The following CNTNAP2 variants were observed in gnomAD, a reference collection of about 807,000 sequenced individuals.
CNTNAP2 encodes contactin-associated protein-like 2.
In CNTNAP2, 98 loss-of-function variants were observed where a neutral mutation model predicts 155.2. That is an observed-to-expected ratio of 0.63 (90% confidence interval 0.54 to 0.75). The LOEUF (loss-of-function observed/expected upper bound fraction) is 0.75, where lower values mean the gene tolerates loss of function less well. Ranked by LOEUF, CNTNAP2 falls within the 30% of genes least tolerant of loss-of-function variation. The pLI is 0.00. For synonymous variants in CNTNAP2, 651 were observed against 631.2 expected, an observed-to-expected ratio of 1.03 and a Z score of -0.47; for missense variants, 1,727 against 1,688.1, an observed-to-expected ratio of 1.02 and a Z score of -0.40.
intron 21 of CNTNAP2, among the ~76,000 whole-genome samples, chr7:148,334,641 C>T (rs55797956): frequency 6.6e-6 from 1 of 152,042 alleles, no homozygotes; most frequent in Admixed American, 6.5e-5. Flanking sequence ...TTAGTTGTGA[C>T]CGCAGAAAGC....
chr7:148,056,438 A>G (rs1189345021), intron 15 of CNTNAP2: 1 of 152,232 alleles, frequency 6.6e-6, no homozygotes, highest in Non-Finnish European at 1.5e-5. Context: ...CTTTGCTGGT[A>G]TCAAGATTAC....
chr7:148,350,879 G>A (rs1031421512), intron 21 of CNTNAP2, among the ~76,000 whole-genome samples: 4 of 152,142 alleles, frequency 2.6e-5, no homozygotes, highest in African/African-American at 9.7e-5. Flanking sequence ...CAGCCCTTTT[G>A]TCCCAGATCC....
intron 12 of CNTNAP2, among the ~76,000 whole-genome samples, chr7:147,588,194 CAGAG>C (rs1022635094): frequency 4.3e-4 from 63 of 146,162 alleles, no homozygotes; most frequent in African/African-American, 1.7e-3. Flanking sequence ...GATGGACATA[CAGAG>C]AGAGAGAAAA....
At chr7:146,717,465 G>T (rs900159513) in intron 1 of CNTNAP2, among the ~76,000 whole-genome samples, 1 of 151,860 alleles carries the variant, frequency 6.6e-6, no homozygotes, top group African/African-American at 2.4e-5. Flanking sequence ...AGTGAGCCAA[G>T]ATCACGCCAC....
At chr7:148,277,443 C>T (rs115106692) in intron 21 of CNTNAP2, among the ~76,000 whole-genome samples, 10 of 152,222 alleles carry the variant, frequency 6.6e-5, no homozygotes, top group East Asian at 1.9e-4. Flanking sequence ...GGCAGGTTGT[C>T]GTCAGCTATC....
chr7:147,045,679 G>T (rs934013643), intron 4 of CNTNAP2, among the ~76,000 whole-genome samples: 11 of 152,140 alleles, frequency 7.2e-5, no homozygotes, highest in Non-Finnish European at 1.5e-4. Context: ...CATGAACAGA[G>T]TGTCATGTTC....
intron 18 of CNTNAP2, among the ~76,000 whole-genome samples, chr7:148,196,957 A>T (rs114011859): frequency 4.3e-4 from 65 of 152,324 alleles, no homozygotes; most frequent in African/African-American, 1.5e-3. Flanking sequence ...TTCACTTGCT[A>T]GGCAGTGCTT....
intron 1 of CNTNAP2, among the ~76,000 whole-genome samples, chr7:146,519,246 C>T (rs1797582989): frequency 6.6e-6 from 1 of 151,680 alleles, no homozygotes; most frequent in African/African-American, 2.4e-5. Context: ...AAATTTGTAT[C>T]TCTCAAGAGA....
At chr7:147,191,094 A>G (rs907982673) in intron 8 of CNTNAP2, among the ~76,000 whole-genome samples, 2 of 152,196 alleles carry the variant, frequency 1.3e-5, no homozygotes, top group African/African-American at 4.8e-5. Flanking sequence ...CTCACCATGT[A>G]CAGTCTAGAA....
intron 9 of CNTNAP2, among the ~76,000 whole-genome samples, chr7:147,320,767 G>T (rs1215843057): frequency 6.6e-6 from 1 of 152,150 alleles, no homozygotes; most frequent in Admixed American, 6.5e-5. Flanking sequence ...AGTGCCTTTT[G>T]TGACCCAAAG....
chr7:147,078,688 T>TA (rs948777839), intron 4 of CNTNAP2, among the ~76,000 whole-genome samples: 26 of 151,686 alleles, frequency 1.7e-4, no homozygotes, highest in Admixed American at 7.9e-4. Flanking sequence ...ATTCCTCCAT[T>TA]AAAAAAAACT....
At chr7:148,399,122 G>A (rs1227752729) in intron 22 of CNTNAP2, among the ~76,000 whole-genome samples, 1 of 152,144 alleles carries the variant, frequency 6.6e-6, no homozygotes, top group African/African-American at 2.4e-5. Context: ...CTGAGACACA[G>A]CATTCCATAA....
chr7:148,253,367 T>C (rs1420295277), intron 20 of CNTNAP2, among the ~76,000 whole-genome samples: 2 of 152,246 alleles, frequency 1.3e-5, no homozygotes, highest in Admixed American at 6.5e-5. Context: ...TGTACCATGA[T>C]GACACTTATT....
chr7:146,583,321 GA>G (rs1798640348), intron 1 of CNTNAP2, among the ~76,000 whole-genome samples: 1 of 152,182 alleles, frequency 6.6e-6, no homozygotes, highest in Admixed American at 6.5e-5. Flanking sequence ...AGGCACAGTG[GA>G]TGGAGGCAGC....
intron 14 of CNTNAP2, among the ~76,000 whole-genome samples, chr7:147,968,672 ACT>A (rs1335143717): frequency 6.6e-6 from 1 of 152,044 alleles, no homozygotes; most frequent in Non-Finnish European, 1.5e-5. Context: ...GAACTGGCAA[ACT>A]CAGCCCATGG....
At chr7:147,708,000 G>A (rs962548165) in intron 13 of CNTNAP2, among the ~76,000 whole-genome samples, 1 of 152,074 alleles carries the variant, frequency 6.6e-6, no homozygotes, top group Non-Finnish European at 1.5e-5. Context: ...GGGGGAGAGA[G>A]CCAGGACTGG....
At chr7:148,415,121 T>G (rs1799949996) in intron 23 of CNTNAP2, among the ~76,000 whole-genome samples, 1 of 152,234 alleles carries the variant, frequency 6.6e-6, no homozygotes, top group African/African-American at 2.4e-5. Flanking sequence ...TTCTCTGTTC[T>G]CAGACATCAT....
At position 146,183,786 on chromosome 7, in the gene CNTNAP2, C is replaced by T. The variant is rs535399121; in HGVS notation, c.97+66813C>T. 2.2e-4 allele frequency among the ~76,000 whole-genome samples: 33 copies of T among 152,014 alleles called. 1 individual carries two copies. Among genetic ancestry groups the T allele is most frequent in the Non-Finnish European group, 3.5e-4 (24 of 68,006 alleles). On this transcript the variant is annotated intron_variant, in intron 1 of 23. Transcript: ENST00000361727. Reference sequence around the variant, plus strand: ...CGTTTTGTCTAAGCCAACTCAGAACCCTTTATAATACTCCTCCCACCTATA... The same window carrying T: ...CGTTTTGTCTAAGCCAACTCAGAACTCTTTATAATACTCCTCCCACCTATA...
chr7:147,015,133 A>C (rs1798696840), intron 3 of CNTNAP2, among the ~76,000 whole-genome samples: 1 of 149,992 alleles, frequency 6.7e-6, no homozygotes, highest in South Asian at 2.1e-4. Flanking sequence ...ATTTTTAGGC[A>C]GTTTAGGAAA....
Sources: allele counts gnomAD v4.1 joint callset (sites outside exome capture counted in the v4.1 genomes callset), GRCh38; gene constraint gnomAD v4.1.1; transcripts MANE v1.5; gene names NCBI Gene and HGNC (gene_info 2026-07-23, HGNC 2026-07-21).